The following CTPS1 variants were observed in gnomAD, a reference collection of about 807,000 sequenced individuals.
CTPS1 encodes the protein CTP synthase 1.
Under a neutral mutation model 80.5 loss-of-function variants are expected in CTPS1, and 25 were observed. The ratio of observed to expected loss-of-function variants is 0.31; its 90% CI spans 0.23 to 0.43. CTPS1 has a LOEUF of 0.43. Ranked by LOEUF, CTPS1 falls within the 20% of genes least tolerant of loss-of-function variation. The pLI is 1.00. For missense variants in CTPS1, 442 were observed against 725.7 expected, an observed-to-expected ratio of 0.61 and a Z score of 4.49; for synonymous variants, 267 against 252.5, an observed-to-expected ratio of 1.06 and a Z score of -0.54.
At chr1:40,994,541 C>T (rs965987506) in intron 7 of CTPS1, among the ~76,000 whole-genome samples, 1 of 152,210 alleles carries the variant, frequency 6.6e-6, no homozygotes, top group Admixed American at 6.5e-5. Flanking sequence ...CATTCATCTA[C>T]AGCCTAGCAA....
At chr1:41,003,623 A>G (rs1381811278) in intron 12 of CTPS1, among the ~76,000 whole-genome samples, 1 of 152,226 alleles carries the variant, frequency 6.6e-6, no homozygotes, top group East Asian at 1.9e-4. Context: ...TTTCTGTAAA[A>G]TGGGAGTAAT....
intron 7 of CTPS1, 107 bp downstream of exon 7, chr1:40,991,952 G>A (rs1642620734): frequency 1.2e-6 from 1 of 858,226 alleles, no homozygotes; most frequent in Admixed American, 2.0e-5. Context: ...GAGATAGTGG[G>A]CTGTTCCAGA....
intron 13 of CTPS1, 121 bp downstream of exon 13, chr1:41,006,215 G>A: frequency 1.2e-6 from 1 of 803,400 alleles, no homozygotes; most frequent in Non-Finnish European, 2.0e-6. Context: ...AGAACCCTGA[G>A]GTTTTGGGCA....
At chr1:41,001,631 T>G (rs913134943) in intron 10 of CTPS1, 3 of 157,252 alleles carry the variant, frequency 1.9e-5, no homozygotes, top group Admixed American at 6.3e-5. Flanking sequence ...AATTTTGGGC[T>G]GGGCACAGTG....
At position 41,012,562 on chromosome 1, in the gene CTPS1, G is replaced by T. The variant is rs149028820; in HGVS notation, c.*914G>T. ...GAAATAAATCAGTAAGGCAGAACAA[G>T]AGACATGCTTTGCTTCTCATTCTCT... On this transcript the variant is annotated 3_prime_UTR_variant, in exon 19 of 19. Transcript: ENST00000650070. 2.8e-4 allele frequency: 42 copies of T among 152,322 alleles called. No homozygotes were observed. The highest frequency in any genetic ancestry group is 9.9e-4 in the African/African-American group (41 of 41,564). The allele number at this position is 152,322 out of a possible 1,614,324, so 9.4% of individuals were successfully genotyped here.
At position 40,987,356 on chromosome 1, in the gene CTPS1, G is replaced by C; in HGVS notation, c.338-16G>C. On this transcript the variant is annotated splice_polypyrimidine_tract_variant and intron_variant, in intron 3 of 18. Transcript: ENST00000650070. ...ATGGACAAGCGTAAGTTCCCTGTTT[G>C]TTTTCTTTTTCCCAGTTGTCCCTCA... 1 of 1,594,754 alleles carries C rather than the reference G, an allele frequency of 6.3e-7. No homozygotes were observed.
At position 41,012,513 on chromosome 1, in the gene CTPS1, G is replaced by A. The variant is rs970573641; in HGVS notation, c.*865G>A. ...GCTACGTGGCACTATATTCTGGCCAGACTCGATGTGTACTCTAACTTAAGA... is the reference window on the plus strand; with the variant it reads ...GCTACGTGGCACTATATTCTGGCCAAACTCGATGTGTACTCTAACTTAAGA... On this transcript the variant is annotated 3_prime_UTR_variant, in exon 19 of 19. Coordinates refer to ENST00000650070, the MANE Select transcript of CTPS1 (RefSeq NM_001905.4). 14 of 152,324 alleles carry A rather than the reference G, an allele frequency of 9.2e-5. 1 individual carries two copies. Among genetic ancestry groups the A allele is most frequent in the African/African-American group, 3.4e-4 (14 of 41,556 alleles). The allele number at this position is 152,324 out of a possible 1,614,324, so 9.4% of individuals were successfully genotyped here. A position where few individuals can be genotyped will look rare whatever the true frequency, so the allele number is the denominator to read the frequency against.
chr1:41,005,941 T>C, intron 12 of CTPS1, 110 bp from the exon 13 acceptor site: 1 of 863,504 alleles, frequency 1.2e-6, no homozygotes, highest in Non-Finnish European at 1.9e-6. Flanking sequence ...GTTTTTGTTC[T>C]AATCACTGAT....
At chr1:40,985,052 C>G in intron 3 of CTPS1, 61 bp downstream of exon 3, 1 of 1,248,064 alleles carries the variant, frequency 8.0e-7, no homozygotes, top group Non-Finnish European at 1.1e-6. Flanking sequence ...CTTCTCCCTC[C>G]CACCTCTACA....
rs114222741 is a variant in CTPS1 at position 40,986,022 on chromosome 1, A to C, written c.337+1031A>C. On this transcript the variant is annotated intron_variant, in intron 3 of 18. Coordinates refer to ENST00000650070, the MANE Select transcript of CTPS1 (RefSeq NM_001905.4). ...CTGTTTATTTATTCATCATCCATCA[A>C]ATTTGCATTGAATGCTCACTGCAGT... Among the ~76,000 whole-genome samples, 508 of 152,310 alleles carry C rather than the reference A, an allele frequency of 3.3e-3. 2 individuals carry two copies. Among genetic ancestry groups the C allele is most frequent in the African/African-American group, 0.011 (478 of 41,574 alleles).
At chr1:41,005,998 A>G in intron 12 of CTPS1, 53 bp from the exon 13 acceptor site, 13 of 1,409,340 alleles carry the variant, frequency 9.2e-6, no homozygotes, top group Middle Eastern at 1.8e-4. Context: ...CAATGAAACT[A>G]TTAATCACTT....
rs2148420558 is a variant in CTPS1 at position 41,008,790 on chromosome 1, A to G, written c.1450-4A>G. ...CAGCAGAATTATTTTTCATGCCTCA[A>G]CAGGTGAATCCAGTCTGGAAAAAGT... On this transcript the variant is annotated splice_region_variant and splice_polypyrimidine_tract_variant and intron_variant, in intron 15 of 18. Coordinates refer to ENST00000650070, the MANE Select transcript of CTPS1 (RefSeq NM_001905.4). 5.0e-6 allele frequency: 8 copies of G among 1,614,184 alleles called. No homozygotes were observed. The highest frequency in any genetic ancestry group is 6.8e-6 in the Non-Finnish European group (8 of 1,179,990).
chr1:40,995,675 A>C (rs1642734065), intron 7 of CTPS1, among the ~76,000 whole-genome samples: 1 of 152,166 alleles, frequency 6.6e-6, no homozygotes, highest in South Asian at 2.1e-4. Flanking sequence ...CTAGGATTAT[A>C]AGCATAAGCC....
In CTPS1 at chr1:41,011,776, A is replaced by G. The variant is rs1406589901; in HGVS notation, c.*128A>G. The G allele has an allele frequency of 6.6e-6, 1 of 152,176 alleles. No homozygotes were observed. Among genetic ancestry groups the G allele is most frequent in the Non-Finnish European group, 1.5e-5 (1 of 68,050 alleles). The allele number at this position is 152,176 out of a possible 1,614,324, so 9.4% of individuals were successfully genotyped here. ...ATTAAGATTATTTTATTATGCGGAA[A>G]GGTATTTGGGAAACTTGTCACTTGC... On this transcript the variant is annotated 3_prime_UTR_variant, in exon 19 of 19. Coordinates refer to ENST00000650070, the MANE Select transcript of CTPS1 (RefSeq NM_001905.4).
rs1570963582 is a variant in CTPS1, at chr1:40,997,436, C to A, written c.915C>A (p.Gly305=). ...AGACCTGCTCTATTGCCCTTGTGGGCAAATACACGAAGTTCTCAGACTCCT... is the reference window on the plus strand; with the variant it reads ...AGACCTGCTCTATTGCCCTTGTGGGAAAATACACGAAGTTCTCAGACTCCT... ...LLETCSIALV[G]KYTKFSDSYA... is the part of the protein sequence containing the mutation. Residue 305 remains glycine (G), a synonymous_variant, in exon 9 of 19, where the codon GGC becomes GGA. Transcript: ENST00000650070. The A allele has an allele frequency of 1.2e-6, 2 of 1,614,018 alleles. No individual in the cohort carries two copies. Among genetic ancestry groups the A allele is most frequent in the African/African-American group, 2.7e-5 (2 of 74,916 alleles).
At chr1:41,002,828 A>C (rs1002776930) in intron 11 of CTPS1, among the ~76,000 whole-genome samples, 4 of 152,216 alleles carry the variant, frequency 2.6e-5, no homozygotes, top group African/African-American at 7.2e-5. Context: ...AGTGGGCAAC[A>C]GCAAGACCCT....
At chr1:41,005,914 G>C in intron 12 of CTPS1, 137 bp from the exon 13 acceptor site, 1 of 705,322 alleles carries the variant, frequency 1.4e-6, no homozygotes, top group Non-Finnish European at 2.5e-6. Context: ...GATGAGGTCA[G>C]GGGGATGCTA....
At chr1:40,993,581 T>A (rs1364755981) in intron 7 of CTPS1, among the ~76,000 whole-genome samples, 1 of 152,146 alleles carries the variant, frequency 6.6e-6, no homozygotes, top group Admixed American at 6.5e-5. Flanking sequence ...TCAGGCAGTC[T>A]TCTTGCTTCA....
intron 7 of CTPS1, 63 bp downstream of exon 7, chr1:40,991,908 G>T: frequency 7.8e-7 from 1 of 1,283,078 alleles, no homozygotes; most frequent in South Asian, 1.2e-5. Flanking sequence ...AAAGCCTCTT[G>T]ATCAGTTTCG....
Sources: gnomAD v4.1 joint callset for allele counts (sites outside exome capture counted in the v4.1 genomes callset) on GRCh38, gnomAD v4.1.1 for gene constraint, MANE v1.5 for transcripts, NCBI Gene and HGNC (gene_info 2026-07-23, HGNC 2026-07-21) for gene names.